Variants in CSMD1 observed in about 807,000 individuals in gnomAD.
The protein encoded by CSMD1 is CUB and sushi domain-containing protein 1.
CSMD1 carries 213 observed loss-of-function variants against 417.5 expected under a neutral mutation model. That is an observed-to-expected ratio of 0.51 (90% CI 0.46 to 0.57). CSMD1 has a LOEUF of 0.57. Ranked by LOEUF, CSMD1 falls within the 20% of genes least tolerant of loss-of-function variation. The probability of loss-of-function intolerance (pLI) is 0.00; values close to 1 mark genes in which losing one functional copy is unlikely to be tolerated. For synonymous variants in CSMD1, 2,862 were observed against 1,736.8 expected (o/e 1.65, Z -16.11); for missense variants, 6,923 against 4,529.7 (o/e 1.53, Z -15.17).
At chr8:3,767,795 G>A (rs560073234) in intron 5 of CSMD1, among the ~76,000 whole-genome samples, 13 of 152,230 alleles carry the variant, frequency 8.5e-5, no homozygotes, top group African/African-American at 2.2e-4. Context: ...ATCTTCTCAC[G>A]TACACGGGCT....
At chr8:3,652,957 CCT>C (rs1338044888) in intron 7 of CSMD1, among the ~76,000 whole-genome samples, 4 of 152,104 alleles carry the variant, frequency 2.6e-5, no homozygotes, top group Non-Finnish European at 5.9e-5. Context: ...CTTATTTTCT[CCT>C]GACTGCTTTC....
chr8:4,746,729 C>T (rs1388672573), intron 1 of CSMD1, among the ~76,000 whole-genome samples: 3 of 152,124 alleles, frequency 2.0e-5, no homozygotes, highest in African/African-American at 4.8e-5. Flanking sequence ...CAATCCACCT[C>T]GGTGGGAGTC....
intron 11 of CSMD1, among the ~76,000 whole-genome samples, chr8:3,479,205 A>G (rs922766734): frequency 1.3e-5 from 2 of 152,206 alleles, no homozygotes; most frequent in Non-Finnish European, 2.9e-5. Flanking sequence ...CCCACATGCC[A>G]AGCCTAAACA....
intron 37 of CSMD1, among the ~76,000 whole-genome samples, chr8:3,179,175 G>A (rs1469744390): frequency 2.6e-5 from 4 of 151,602 alleles, no homozygotes; most frequent in East Asian, 3.9e-4. Context: ...TCGATCTCCT[G>A]ACCTCGTGAT....
At chr8:3,882,586 GT>G (rs1806280140) in intron 5 of CSMD1, among the ~76,000 whole-genome samples, 1 of 152,170 alleles carries the variant, frequency 6.6e-6, no homozygotes, top group Non-Finnish European at 1.5e-5. Flanking sequence ...AGGCTAGAAT[GT>G]TCATAGTAGC....
chr8:4,056,635 T>C (rs547643194), intron 3 of CSMD1, among the ~76,000 whole-genome samples: 2 of 151,984 alleles, frequency 1.3e-5, no homozygotes, highest in South Asian at 4.2e-4. Context: ...CCTGCACCCA[T>C]TAACTCATCA....
At chr8:4,247,979 C>T (rs1406529425) in intron 3 of CSMD1, among the ~76,000 whole-genome samples, 2 of 152,082 alleles carry the variant, frequency 1.3e-5, no homozygotes, top group Non-Finnish European at 2.9e-5. Flanking sequence ...TTGCTTCAAC[C>T]AACCTTCAGT....
At chr8:3,356,050 A>G (rs531367277) in intron 21 of CSMD1, among the ~76,000 whole-genome samples, 8 of 152,334 alleles carry the variant, frequency 5.3e-5, no homozygotes, top group African/African-American at 1.9e-4. Flanking sequence ...TGATAGAGAG[A>G]GAAATAGTTC....
chr8:3,548,256 T>TA (rs1487043094), intron 10 of CSMD1, among the ~76,000 whole-genome samples: 1 of 152,158 alleles, frequency 6.6e-6, no homozygotes, highest in East Asian at 1.9e-4. Context: ...CCTTCCTCAC[T>TA]CTCTGTAGCC....
chr8:3,671,304 T>C (rs1043810154), intron 7 of CSMD1, among the ~76,000 whole-genome samples: 2 of 148,206 alleles, frequency 1.3e-5, no homozygotes, highest in African/African-American at 2.5e-5. Flanking sequence ...AGGCACCTGA[T>C]AAATGCTAAC....
intron 1 of CSMD1, among the ~76,000 whole-genome samples, chr8:4,695,973 G>C (rs913933541): frequency 1.3e-5 from 2 of 152,172 alleles, no homozygotes; most frequent in Non-Finnish European, 2.9e-5. Flanking sequence ...TTGGGTTCCG[G>C]AGGGAGAATG....
intron 6 of CSMD1, among the ~76,000 whole-genome samples, chr8:3,711,370 G>A (rs1345234840): frequency 1.3e-5 from 2 of 152,114 alleles, no homozygotes; most frequent in African/African-American, 2.4e-5. Context: ...CTGGCCAGAG[G>A]GTGGCTGTTC....
At chr8:4,722,797 C>G (rs775555651) in intron 1 of CSMD1, among the ~76,000 whole-genome samples, 2 of 152,134 alleles carry the variant, frequency 1.3e-5, no homozygotes, top group Non-Finnish European at 2.9e-5. Flanking sequence ...TTCAGGAATA[C>G]TTGTTTTCTT....
chr8:4,513,229 G>T (rs899255726), intron 2 of CSMD1, among the ~76,000 whole-genome samples: 3 of 152,250 alleles, frequency 2.0e-5, no homozygotes, highest in Admixed American at 6.5e-5. Context: ...TGATAATAAA[G>T]GAGATCCTGT....
In CSMD1 at chr8:3,087,129, T is replaced by C; in HGVS notation, c.7442A>G (p.Tyr2481Cys). The C allele has an allele frequency of 6.2e-7, 1 of 1,613,626 alleles. No homozygotes were observed. The highest frequency in any genetic ancestry group is 8.5e-7 in the Non-Finnish European group (1 of 1,179,858). The stretch of plus-strand genomic sequence containing the variant: ...GAGTGGCGTGAGGGAGTCCCACTGG[T>C]ACATGCCAAGTGGGTTTCGTCTACA... ...ATCRRNPLGM[Y>C]QWDSLTPLCQ... The change falls in exon 49 of 70, where the codon TAC (tyrosine) becomes TGC (cysteine). Residue 2481 changes from tyrosine to cysteine, a missense_variant. Tyr to Cys is a radical substitution (Grantham distance 194). Coordinates refer to ENST00000635120, the MANE Select transcript of CSMD1 (RefSeq NM_033225.6).
At chr8:3,098,832 A>C (rs1815524440) in intron 46 of CSMD1, among the ~76,000 whole-genome samples, 1 of 152,170 alleles carries the variant, frequency 6.6e-6, no homozygotes, top group South Asian at 2.1e-4. Context: ...TCTGACGTGT[A>C]AGTACAGAGT....
chr8:4,291,562 A>C (rs1275069940), intron 3 of CSMD1, among the ~76,000 whole-genome samples: 1 of 152,156 alleles, frequency 6.6e-6, no homozygotes, highest in Non-Finnish European at 1.5e-5. Context: ...TTAGTGTAGA[A>C]ATTTTATTAA....
rs532981112 is a variant in CSMD1, at chr8:2,938,305, G to C, written c.*280C>G. The C allele has an allele frequency of 1.4e-5, 5 of 359,562 alleles. No homozygotes were observed. In the South Asian group the frequency reaches 4.1e-4, roughly 30 times the overall value. 22.3% of individuals were successfully genotyped at this position (359,562 alleles called of 1,614,324 possible). A position where few individuals can be genotyped will look rare whatever the true frequency, so the allele number is the denominator to read the frequency against. On this transcript the variant is annotated 3_prime_UTR_variant, in exon 70 of 70. Transcript: ENST00000635120. ...CTGAGGCATTGAGTATGACGTGTTG[G>C]CGCGACGTGGCAGTCTTCCTGGAGT... is the stretch of plus-strand genomic sequence containing the variant.
At chr8:3,435,798 T>C (rs1204508479) in intron 12 of CSMD1, among the ~76,000 whole-genome samples, 2 of 152,166 alleles carry the variant, frequency 1.3e-5, no homozygotes, top group African/African-American at 4.8e-5. Flanking sequence ...AAAACTTCCA[T>C]GGCTTCTGAT....
Sources: gnomAD v4.1 joint callset for allele counts (sites outside exome capture counted in the v4.1 genomes callset) on GRCh38, gnomAD v4.1.1 for gene constraint, MANE v1.5 for transcripts, NCBI Gene and HGNC (gene_info 2026-07-23, HGNC 2026-07-21) for gene names.